Variants in TNFAIP8 observed in about 807,000 individuals in gnomAD.
The protein encoded by TNFAIP8 is tumor necrosis factor alpha-induced protein 8.
In TNFAIP8, 7 loss-of-function variants were observed where a neutral mutation model predicts 13.3. The ratio of observed to expected loss-of-function variants is 0.52; its 90% CI spans 0.30 to 0.99. TNFAIP8 has a LOEUF of 0.99. Among genes scored for constraint, TNFAIP8 ranks in the 50% least tolerant of loss-of-function variants. The pLI, the probability that TNFAIP8 is intolerant of heterozygous loss-of-function variation, is 0.07. For synonymous variants in TNFAIP8, 94 were observed against 87.6 expected (o/e 1.07, Z -0.41); for missense variants, 258 against 236.9 (o/e 1.09, Z -0.58).
chr5:119,347,439 G>A (rs1352435207), intron 1 of TNFAIP8, among the ~76,000 whole-genome samples: 1 of 152,186 alleles, frequency 6.6e-6, no homozygotes, highest in Non-Finnish European at 1.5e-5. Flanking sequence ...GATTGAAAAG[G>A]TTGGTGAATT....
At position 119,298,446 on chromosome 5, in the gene TNFAIP8, C is replaced by A. The variant is rs1244092880; in HGVS notation, c.1+29539C>A. 1.1e-4 allele frequency among the ~76,000 whole-genome samples: 16 copies of A among 151,854 alleles called. 1 individual carries two copies. Among genetic ancestry groups the A allele is most frequent in the Admixed American group, 1.0e-3 (16 of 15,244 alleles). Reference sequence around the variant, plus strand: ...GTTGAATATTGGCCCCCACTCTCTTCTGGCTTGTAGAGTTTCTGCCGAGAG... The same window carrying A: ...GTTGAATATTGGCCCCCACTCTCTTATGGCTTGTAGAGTTTCTGCCGAGAG... On this transcript the variant is annotated intron_variant, in intron 1 of 1. Coordinates refer to the TNFAIP8 transcript ENST00000274456.
intron 1 of TNFAIP8, among the ~76,000 whole-genome samples, chr5:119,292,673 TATATATATATATACACACACAC>T (rs769311943): frequency 0.12 from 5,625 of 45,242 alleles, 885 homozygotes; most frequent in Non-Finnish European, 0.16. Context: ...TATATATATA[TATATATATATATACACACACAC>T]ACAATGAAAT....
intron 1 of TNFAIP8, among the ~76,000 whole-genome samples, chr5:119,291,688 C>T (rs1239036665): frequency 6.6e-6 from 1 of 152,140 alleles, no homozygotes; most frequent in African/African-American, 2.4e-5. Context: ...GGATTTGGGG[C>T]AGAGTTTTTT....
At chr5:119,338,401 C>T (rs185305521) in intron 1 of TNFAIP8, among the ~76,000 whole-genome samples, 158 of 152,308 alleles carry the variant, frequency 1.0e-3, no homozygotes, top group African/African-American at 3.6e-3. Flanking sequence ...TTACAGACCC[C>T]CTACCCCATC....
intron 1 of TNFAIP8, among the ~76,000 whole-genome samples, chr5:119,294,277 A>G (rs976167569): frequency 1.4e-5 from 2 of 139,524 alleles, no homozygotes; most frequent in African/African-American, 5.3e-5. Flanking sequence ...ATTCCCACCT[A>G]TGAGTGAGAA....
chr5:119,317,724 A>G (rs1326927517), intron 1 of TNFAIP8, among the ~76,000 whole-genome samples: 1 of 151,928 alleles, frequency 6.6e-6, no homozygotes, highest in African/African-American at 2.4e-5. Flanking sequence ...TCAGCCTCCC[A>G]AGTAGCTGGG....
intron 1 of TNFAIP8, among the ~76,000 whole-genome samples, chr5:119,288,645 T>A (rs1182305374): frequency 6.6e-6 from 1 of 152,226 alleles, no homozygotes; most frequent in Admixed American, 6.5e-5. Context: ...CCCAAGTTGT[T>A]TGCTAATAAA....
Position 119,398,298 on chromosome 5 carries a change from A to C in TNFAIP8, c.*4917A>C, listed in dbSNP as rs1753120310. On this transcript the variant is annotated 3_prime_UTR_variant, in exon 2 of 2. Coordinates refer to ENST00000504771, the MANE Select transcript of TNFAIP8 (RefSeq NM_014350.4). ...TACAAGAAAGACAATTTGATTTTTAAAAGTTTTGATTTGTAGAATAATGTA... is the reference window on the plus strand; with the variant it reads ...TACAAGAAAGACAATTTGATTTTTACAAGTTTTGATTTGTAGAATAATGTA... 6.6e-6 allele frequency: 1 copy of C among 152,216 alleles called. No individual in the cohort carries two copies. Among genetic ancestry groups the C allele is most frequent in the Non-Finnish European group, 1.5e-5 (1 of 68,048 alleles). 9.4% of individuals were successfully genotyped at this position (152,216 alleles called of 1,614,324 possible).
chr5:119,359,031 T>C (rs2112782725), intron 1 of TNFAIP8, among the ~76,000 whole-genome samples: 1 of 152,264 alleles, frequency 6.6e-6, no homozygotes, highest in African/African-American at 2.4e-5. Flanking sequence ...AAGAAAACAG[T>C]AGCCATTAGA....
intron 1 of TNFAIP8, among the ~76,000 whole-genome samples, chr5:119,373,351 TTTCA>T (rs1333674993): frequency 5.9e-5 from 9 of 152,246 alleles, no homozygotes; most frequent in African/African-American, 2.2e-4. Flanking sequence ...CTAAGACATT[TTTCA>T]TTCATTTCAT....
chr5:119,333,045 G>GT (rs11455212), intron 1 of TNFAIP8: 75,283 of 219,136 alleles, frequency 0.34, 13,921 homozygotes, highest in Non-Finnish European at 0.37. Context: ...GGAATGAGGT[G>GT]TTTTTTTTAT....
chr5:119,292,344 G>A (rs1168472870), intron 1 of TNFAIP8, among the ~76,000 whole-genome samples: 1 of 151,822 alleles, frequency 6.6e-6, no homozygotes, highest in African/African-American at 2.4e-5. Context: ...GGGCCGTACT[G>A]GGTTTGAATT....
intron 1 of TNFAIP8, among the ~76,000 whole-genome samples, chr5:119,290,851 TCAG>T (rs1253636357): frequency 1.3e-5 from 2 of 152,074 alleles, no homozygotes; most frequent in Non-Finnish European, 1.5e-5. Flanking sequence ...GCAGCTGGTG[TCAG>T]TGTGTTCAAG....
chr5:119,302,735 C>G (rs1271065890), intron 1 of TNFAIP8, among the ~76,000 whole-genome samples: 1 of 152,110 alleles, frequency 6.6e-6, no homozygotes, highest in African/African-American at 2.4e-5. Flanking sequence ...AGCTTATGAC[C>G]TAAGATCGTT....
chr5:119,377,606 T>C (rs1190247934), intron 1 of TNFAIP8, among the ~76,000 whole-genome samples: 3 of 152,092 alleles, frequency 2.0e-5, no homozygotes, highest in Non-Finnish European at 2.9e-5. Flanking sequence ...TCTATAGAAA[T>C]AAGGAGATTT....
intron 1 of TNFAIP8, 81 bp from the exon 2 acceptor site, chr5:119,392,735 C>G (rs1562038035): frequency 2.1e-6 from 3 of 1,418,598 alleles, no homozygotes; most frequent in Non-Finnish European, 2.8e-6. Flanking sequence ...AAAAAGTGCT[C>G]CCAAATACCT....
upstream of TNFAIP8, among the ~76,000 whole-genome samples, chr5:119,351,675 C>T (rs1751152079): frequency 6.6e-6 from 1 of 152,146 alleles, no homozygotes; most frequent in East Asian, 1.9e-4. Context: ...AGGCACAGAG[C>T]TTGATCTTCT....
intron 1 of TNFAIP8, among the ~76,000 whole-genome samples, chr5:119,315,713 CT>C (rs1427624467): frequency 1.3e-5 from 2 of 152,026 alleles, no homozygotes; most frequent in African/African-American, 4.8e-5. Flanking sequence ...GACCTTGGAG[CT>C]TTTTTACAGG....
intron 1 of TNFAIP8, among the ~76,000 whole-genome samples, chr5:119,302,148 G>A (rs190239968): frequency 6.8e-4 from 103 of 152,282 alleles, no homozygotes; most frequent in African/African-American, 2.3e-3. Flanking sequence ...TGTCCTAGTT[G>A]GGGTCAGGCT....
Sources: allele counts gnomAD v4.1 joint callset (sites outside exome capture counted in the v4.1 genomes callset), GRCh38; gene constraint gnomAD v4.1.1; transcripts MANE v1.5; gene names NCBI Gene and HGNC (gene_info 2026-07-23, HGNC 2026-07-21).